Variants in SPOCK1 observed in about 807,000 individuals in gnomAD.
The protein encoded by SPOCK1 is testican-1.
In SPOCK1, 23 loss-of-function variants were observed where a neutral mutation model predicts 55.3. The observed-to-expected ratio is 0.42, with a 90% CI of 0.30 to 0.59. SPOCK1 has a LOEUF of 0.59. Ranked by LOEUF, SPOCK1 falls within the 20% of genes least tolerant of loss-of-function variation. SPOCK1 has a pLI of 0.22. For missense variants in SPOCK1, 499 were observed against 552.5 expected (o/e 0.90, Z 0.97); for synonymous variants, 226 against 221.0 (o/e 1.02, Z -0.20).
chr5:137,257,183 A>G (rs952858057), intron 3 of SPOCK1, among the ~76,000 whole-genome samples: 14 of 152,232 alleles, frequency 9.2e-5, no homozygotes, highest in African/African-American at 3.4e-4. Context: ...AGACAAAGGG[A>G]AAAAGTGAAA....
At chr5:137,286,999 T>C (rs1757280671) in intron 2 of SPOCK1, among the ~76,000 whole-genome samples, 1 of 152,116 alleles carries the variant, frequency 6.6e-6, no homozygotes, top group Non-Finnish European at 1.5e-5. Flanking sequence ...TTCCCTAATA[T>C]CTTGATGTTT....
At chr5:137,063,284 G>T (rs11242365) in intron 6 of SPOCK1, among the ~76,000 whole-genome samples, 63,712 of 148,240 alleles carry the variant, frequency 0.43, 16,389 homozygotes, top group Non-Finnish European at 0.57. Context: ...AATTTTAAAA[G>T]ATGGTCCCAC....
At chr5:137,017,707 T>C (rs754691208) in intron 6 of SPOCK1, among the ~76,000 whole-genome samples, 9 of 152,178 alleles carry the variant, frequency 5.9e-5, no homozygotes, top group Non-Finnish European at 1.2e-4. Flanking sequence ...TTGTAAGTTT[T>C]ACAGGGATTA....
intron 6 of SPOCK1, among the ~76,000 whole-genome samples, chr5:137,017,857 A>AAAAG (rs1363540090): frequency 7.2e-5 from 11 of 152,260 alleles, no homozygotes; most frequent in African/African-American, 2.7e-4. Context: ...TATGTTCATT[A>AAAAG]AAAGACTCAC....
intron 2 of SPOCK1, among the ~76,000 whole-genome samples, chr5:137,458,133 C>T (rs749975894): frequency 6.6e-6 from 1 of 152,170 alleles, no homozygotes; most frequent in Non-Finnish European, 1.5e-5. Context: ...TCAGAAGGAA[C>T]AGGCTATGGG....
intron 2 of SPOCK1, among the ~76,000 whole-genome samples, chr5:137,381,016 A>G (rs114050091): frequency 0.011 from 1,680 of 152,292 alleles, 20 homozygotes; most frequent in African/African-American, 0.038. Flanking sequence ...ATGTACTTCC[A>G]AGATATAATG....
chr5:137,269,084 C>G lies in SPOCK1; in HGVS notation c.187-2029G>C, dbSNP rs147568052. 4.8e-3 allele frequency among the ~76,000 whole-genome samples: 648 copies of G among 135,766 alleles called. 3 individuals are homozygous for G. Among genetic ancestry groups the G allele is most frequent in the African/African-American group, 0.018 (626 of 35,754 alleles). The allele number at this position is 135,766 out of a possible 152,430, so 89.1% of individuals were successfully genotyped here. A position where few individuals can be genotyped will look rare whatever the true frequency, so the allele number is the denominator to read the frequency against. On this transcript the variant is annotated intron_variant, in intron 2 of 10. Transcript: ENST00000394945. ...ACTTTTTCAGGTTAACTATAATTAC[C>G]ATTTTTACCTATTTCTTAGGGAAAA...
chr5:137,435,149 T>C (rs1022749648), intron 2 of SPOCK1, among the ~76,000 whole-genome samples: 2 of 152,242 alleles, frequency 1.3e-5, no homozygotes, highest in Non-Finnish European at 2.9e-5. Context: ...ATTTAATTTC[T>C]TTAAGTAACC....
At chr5:137,111,301 C>T (rs1753465127) in intron 5 of SPOCK1, among the ~76,000 whole-genome samples, 1 of 152,032 alleles carries the variant, frequency 6.6e-6, no homozygotes, top group African/African-American at 2.4e-5. Flanking sequence ...CAGGAGTCAC[C>T]AAGATGTCCC....
intron 3 of SPOCK1, among the ~76,000 whole-genome samples, chr5:137,255,124 T>C (rs1320872382): frequency 1.3e-5 from 2 of 152,244 alleles, no homozygotes; most frequent in Non-Finnish European, 2.9e-5. Flanking sequence ...AGCATCATTG[T>C]ATACTGAAAG....
intron 2 of SPOCK1, chr5:137,313,475 A>T (rs1033524643): frequency 1.0e-6 from 1 of 985,322 alleles, no homozygotes; most frequent in African/African-American, 1.7e-5. Flanking sequence ...CAGGCCGGGC[A>T]CCTGTGACAC....
chr5:137,134,117 C>T (rs1413719523), intron 4 of SPOCK1, among the ~76,000 whole-genome samples: 1 of 152,136 alleles, frequency 6.6e-6, no homozygotes, highest in Admixed American at 6.5e-5. Flanking sequence ...CTAATCTTCC[C>T]CTTACTGGCA....
At chr5:137,023,711 C>T (rs1435304010) in intron 6 of SPOCK1, among the ~76,000 whole-genome samples, 7 of 150,004 alleles carry the variant, frequency 4.7e-5, no homozygotes, top group African/African-American at 9.7e-5. Context: ...CTAATTATCA[C>T]GAGAGGAAAT....
intron 3 of SPOCK1, among the ~76,000 whole-genome samples, chr5:137,217,912 A>G (rs1232363717): frequency 6.6e-6 from 1 of 151,964 alleles, no homozygotes; most frequent in Non-Finnish European, 1.5e-5. Flanking sequence ...CCTATCCATT[A>G]TACTGCACTA....
intron 2 of SPOCK1, among the ~76,000 whole-genome samples, chr5:137,286,707 A>T (rs1561493693): frequency 6.6e-6 from 1 of 152,216 alleles, no homozygotes; most frequent in Non-Finnish European, 1.5e-5. Context: ...GGAGGGTGGT[A>T]GGTGAAGCCA....
At chr5:137,140,731 C>A in intron 3 of SPOCK1, 37 bp from the exon 4 acceptor site, 3 of 1,184,612 alleles carry the variant, frequency 2.5e-6, no homozygotes, top group East Asian at 2.6e-5. Flanking sequence ...GGGTTTAGGA[C>A]CTCCAGGGAA....
chr5:137,192,713 A>T (rs1012314766), intron 3 of SPOCK1, among the ~76,000 whole-genome samples: 2 of 152,236 alleles, frequency 1.3e-5, no homozygotes, highest in African/African-American at 2.4e-5. Context: ...TTCTGTACAC[A>T]ATAGACTATG....
chr5:137,441,531 A>G (rs1049181782), intron 2 of SPOCK1, among the ~76,000 whole-genome samples: 1 of 152,236 alleles, frequency 6.6e-6, no homozygotes, highest in Non-Finnish European at 1.5e-5. Context: ...CCACAGGCAA[A>G]TGAGCAAATG....
intron 2 of SPOCK1, among the ~76,000 whole-genome samples, chr5:137,348,109 T>G (rs1750599526): frequency 1.3e-5 from 2 of 152,182 alleles, no homozygotes; most frequent in African/African-American, 4.8e-5. Flanking sequence ...AAGTTTGTCT[T>G]GTTCACCGAG....
Sources: allele counts gnomAD v4.1 joint callset (sites outside exome capture counted in the v4.1 genomes callset), GRCh38; gene constraint gnomAD v4.1.1; transcripts MANE v1.5; gene names NCBI Gene and HGNC (gene_info 2026-07-23, HGNC 2026-07-21).